HEMK2: variants seen among roughly 807,000 people sequenced by gnomAD.
HEMK2 encodes methyltransferase HEMK2.
chr21:28,734,238 T>C, the HEMK2 span, among the ~76,000 whole-genome samples: 9 of 152,280 alleles, frequency 5.9e-5, no homozygotes, highest in East Asian at 3.9e-4. Context: ...GCTGAGTTCA[T>C]TGAAAACAGT....
At chr21:28,595,721 A>G in the HEMK2 span, among the ~76,000 whole-genome samples, 4 of 151,288 alleles carry the variant, frequency 2.6e-5, no homozygotes, top group South Asian at 4.2e-4. Context: ...TTGTATGGCA[A>G]CTCTATTTTT....
the HEMK2 span, among the ~76,000 whole-genome samples, chr21:28,866,175 A>AAAAAAAAAAAAAAAAAAAAC: frequency 2.6e-5 from 2 of 76,246 alleles, no homozygotes; most frequent in African/African-American, 5.1e-5. Context: ...CAAAAAAAAA[A>AAAAAAAAAAAAAAAAAAAAC]ACACACACAC....
the HEMK2 span, among the ~76,000 whole-genome samples, chr21:28,879,327 C>G: frequency 6.6e-6 from 1 of 152,076 alleles, no homozygotes; most frequent in Admixed American, 6.5e-5. Context: ...ACTGCAAGCT[C>G]CGCCTCCAGG....
the HEMK2 span, among the ~76,000 whole-genome samples, chr21:28,758,989 C>T: frequency 2.0e-5 from 3 of 152,166 alleles, no homozygotes; most frequent in Non-Finnish European, 4.4e-5. Flanking sequence ...AGCTGGTTTT[C>T]AAAATGCAAT....
the HEMK2 span, among the ~76,000 whole-genome samples, chr21:28,788,676 A>G: frequency 0.01 from 1,584 of 150,936 alleles, 27 homozygotes; most frequent in African/African-American, 0.036. Context: ...TAACTTATGG[A>G]AAAATAAAAT....
chr21:28,870,688 C>A, the HEMK2 span, among the ~76,000 whole-genome samples: 1 of 152,186 alleles, frequency 6.6e-6, no homozygotes, highest in Non-Finnish European at 1.5e-5. Context: ...TCGCACCCAG[C>A]CTAAAATGTC....
At chr21:28,822,892 CT>C in the HEMK2 span, among the ~76,000 whole-genome samples, 3 of 152,120 alleles carry the variant, frequency 2.0e-5, no homozygotes, top group African/African-American at 7.2e-5. Flanking sequence ...CCATTCACCC[CT>C]TCTAATGTGT....
At chr21:28,708,571 T>C in the HEMK2 span, among the ~76,000 whole-genome samples, 2 of 152,220 alleles carry the variant, frequency 1.3e-5, no homozygotes, top group Non-Finnish European at 2.9e-5. Context: ...GCTATGACAG[T>C]TGTCAACAAT....
At chr21:28,781,827 C>A in the HEMK2 span, among the ~76,000 whole-genome samples, 3 of 152,170 alleles carry the variant, frequency 2.0e-5, no homozygotes, top group Non-Finnish European at 4.4e-5. Context: ...TACTGTCTGG[C>A]CCAATGTCAG....
chr21:28,779,893 C>G, the HEMK2 span, among the ~76,000 whole-genome samples: 3 of 147,874 alleles, frequency 2.0e-5, no homozygotes, highest in African/African-American at 7.5e-5. Flanking sequence ...TAAAAAAAAG[C>G]CATCTACACC....
the HEMK2 span, among the ~76,000 whole-genome samples, chr21:28,765,680 T>A: frequency 6.6e-6 from 1 of 151,936 alleles, no homozygotes; most frequent in Non-Finnish European, 1.5e-5. Context: ...ACCCTGGTAA[T>A]AGCCAGATAT....
chr21:28,826,958 C>T, the HEMK2 span, among the ~76,000 whole-genome samples: 130 of 152,148 alleles, frequency 8.5e-4, 3 homozygotes, highest in South Asian at 0.013. Context: ...AGGGATCCGA[C>T]GAGGAGACTC....
At chr21:28,882,227 G>C in the HEMK2 span, 1 of 1,610,868 alleles carries the variant, frequency 6.2e-7, no homozygotes, top group Non-Finnish European at 8.5e-7. Flanking sequence ...ACAAGCTGCT[G>C]CCTCAGGGTT....
chr21:28,624,986 G>A, the HEMK2 span, among the ~76,000 whole-genome samples: 1 of 152,214 alleles, frequency 6.6e-6, no homozygotes, highest in South Asian at 2.1e-4. Flanking sequence ...TGTCTGGTAG[G>A]TGAATAGCTA....
chr21:28,880,793 C>T, the HEMK2 span, among the ~76,000 whole-genome samples: 19 of 151,008 alleles, frequency 1.3e-4, no homozygotes. Context: ...AAAATCACCA[C>T]GTTGATCTCA....
chr21:28,880,108 T>A, the HEMK2 span, among the ~76,000 whole-genome samples: 14 of 152,254 alleles, frequency 9.2e-5, no homozygotes, highest in African/African-American at 3.1e-4. Flanking sequence ...ATGTTTTCAT[T>A]CAGAAAAATA....
the HEMK2 span, among the ~76,000 whole-genome samples, chr21:28,790,243 T>A: frequency 6.6e-6 from 1 of 152,332 alleles, no homozygotes; most frequent in East Asian, 1.9e-4. Flanking sequence ...ATTTTGATGA[T>A]AAACACCTGC....
chr21:28,753,356 CA>C, the HEMK2 span, among the ~76,000 whole-genome samples: 24,663 of 116,982 alleles, frequency 0.21, 2,466 homozygotes, highest in African/African-American at 0.32. Flanking sequence ...GACTCTGTCT[CA>C]AAAAAAAAAA....
At chr21:28,824,363 CTCTCA>C in the HEMK2 span, among the ~76,000 whole-genome samples, 1 of 152,120 alleles carries the variant, frequency 6.6e-6, no homozygotes, top group Admixed American at 6.5e-5. Context: ...CTTTGATTTC[CTCTCA>C]TATCTTGCAA....
Sources: allele counts gnomAD v4.1 joint callset (sites outside exome capture counted in the v4.1 genomes callset), GRCh38; gene constraint gnomAD v4.1.1; transcripts MANE v1.5; gene names NCBI Gene and HGNC (gene_info 2026-07-23, HGNC 2026-07-21).